WNK1: variants seen among roughly 807,000 people sequenced by gnomAD.
WNK1 encodes the protein serine/threonine-protein kinase WNK1.
In WNK1, 38 loss-of-function variants were observed where a neutral mutation model predicts 222.8. The ratio of observed to expected loss-of-function variants is 0.17; its 90% confidence interval spans 0.13 to 0.22. WNK1 has a LOEUF of 0.22. Ranked by LOEUF, WNK1 falls within the 10% of genes least tolerant of loss-of-function variation. The pLI is 1.00. For synonymous variants in WNK1, 1,090 were observed against 1,092.9 expected (o/e 1.00, Z 0.05); for missense variants, 2,348 against 2,918.4 (o/e 0.80, Z 4.50).
intron 8 of WNK1, chr12:868,998 C>T (rs1173828922): frequency 3.7e-6 from 6 of 1,607,484 alleles, no homozygotes; most frequent in East Asian, 2.2e-5. Context: ...CTGCCTCAGA[C>T]AGTGTTACAA....
At chr12:846,578 A>G (rs1950042245) in intron 4 of WNK1, among the ~76,000 whole-genome samples, 1 of 152,222 alleles carries the variant, frequency 6.6e-6, no homozygotes, top group Non-Finnish European at 1.5e-5. Context: ...AAATTCCTGT[A>G]AACTAATGGT....
At chr12:825,064 A>T (rs1221754499) in intron 2 of WNK1, among the ~76,000 whole-genome samples, 1 of 152,196 alleles carries the variant, frequency 6.6e-6, no homozygotes, top group Non-Finnish European at 1.5e-5. Flanking sequence ...CAGCATCAGG[A>T]TAGAATAAAT....
At chr12:785,553 A>G (rs971183368) in intron 1 of WNK1, among the ~76,000 whole-genome samples, 1 of 151,786 alleles carries the variant, frequency 6.6e-6, no homozygotes, top group Non-Finnish European at 1.5e-5. Context: ...ACCCGCCACC[A>G]CGCCCAGCTA....
chr12:764,718 G>T (rs1020616274), intron 1 of WNK1, among the ~76,000 whole-genome samples: 1 of 140,398 alleles, frequency 7.1e-6, no homozygotes, highest in Non-Finnish European at 1.6e-5. Flanking sequence ...TAAAAAAAAA[G>T]TCAGTAACAA....
chr12:865,729 A>G (rs1951608775), intron 8 of WNK1, among the ~76,000 whole-genome samples: 1 of 152,200 alleles, frequency 6.6e-6, no homozygotes, highest in Non-Finnish European at 1.5e-5. Context: ...AAATTTTATC[A>G]AACATTACCC....
chr12:790,567 T>A (rs1232850510), intron 1 of WNK1, among the ~76,000 whole-genome samples: 1 of 152,216 alleles, frequency 6.6e-6, no homozygotes, highest in Non-Finnish European at 1.5e-5. Flanking sequence ...GAATCTGTCT[T>A]GACCTGTGTA....
intron 1 of WNK1, among the ~76,000 whole-genome samples, chr12:788,440 C>T (rs1483364610): frequency 1.3e-5 from 2 of 152,050 alleles, no homozygotes; most frequent in Non-Finnish European, 2.9e-5. Flanking sequence ...CACTAATGGA[C>T]CATATTTCTA....
At chr12:871,234 C>T in intron 8 of WNK1, 31 bp from the exon 9 acceptor site, 1 of 1,604,708 alleles carries the variant, frequency 6.2e-7, no homozygotes. Context: ...TAGGCCTTCT[C>T]TAATTTGTTG....
At chr12:862,945 TAC>T (rs1179233428) in intron 8 of WNK1, among the ~76,000 whole-genome samples, 1 of 152,214 alleles carries the variant, frequency 6.6e-6, no homozygotes, top group African/African-American at 2.4e-5. Context: ...TGTATACACA[TAC>T]ACACACACAA....
chr12:832,850 T>C (rs911308010), intron 4 of WNK1, among the ~76,000 whole-genome samples: 3 of 152,216 alleles, frequency 2.0e-5, no homozygotes, highest in Admixed American at 6.5e-5. Flanking sequence ...AGAAATTTTT[T>C]TATGCCTTCA....
chr12:797,907 C>T (rs1028360134), intron 1 of WNK1, among the ~76,000 whole-genome samples: 2 of 149,706 alleles, frequency 1.3e-5, no homozygotes, highest in Non-Finnish European at 3.0e-5. Context: ...CGAGATCGCA[C>T]CACTGCACTC....
At chr12:772,490 C>T (rs1942647202) in intron 1 of WNK1, among the ~76,000 whole-genome samples, 1 of 151,838 alleles carries the variant, frequency 6.6e-6, no homozygotes, top group Non-Finnish European at 1.5e-5. Flanking sequence ...TGCCACCATA[C>T]AGCAGCGTAA....
chr12:763,175 G>A (rs989870524), intron 1 of WNK1, among the ~76,000 whole-genome samples: 3 of 147,550 alleles, frequency 2.0e-5, no homozygotes, highest in African/African-American at 4.9e-5. Context: ...TAGACTAAGT[G>A]ACTAAAGGAC....
rs542422172 is a variant in WNK1, at chr12:802,526, T to C, written c.760-11116T>C. On this transcript the variant is annotated intron_variant, in intron 1 of 27. Transcript: ENST00000315939. ...TATAGAAGTTCTATTATGATTGATA[T>C]GGAAATGACTTTGACTTATTGTTGA... Among the ~76,000 whole-genome samples the C allele has an allele frequency of 2.0e-5, 3 of 152,290 alleles. No homozygotes were observed. The South Asian group carries it at 6.2e-4, about 32-fold the overall frequency.
intron 8 of WNK1, among the ~76,000 whole-genome samples, chr12:867,459 TA>T (rs1467306313): frequency 2.0e-5 from 3 of 152,242 alleles, no homozygotes; most frequent in Non-Finnish European, 2.9e-5. Flanking sequence ...TCTTACAGTA[TA>T]GAACTAGTCG....
chr12:778,319 T>G (rs1336674599), intron 1 of WNK1, among the ~76,000 whole-genome samples: 1 of 152,054 alleles, frequency 6.6e-6, no homozygotes, highest in Non-Finnish European at 1.5e-5. Flanking sequence ...TTAATTTTTT[T>G]TTCGTCTTTT....
intron 8 of WNK1, among the ~76,000 whole-genome samples, chr12:870,210 A>G (rs1433292425): frequency 1.3e-5 from 2 of 152,232 alleles, no homozygotes; most frequent in Non-Finnish European, 1.5e-5. Flanking sequence ...GTGCTGTACT[A>G]AGACACAAAA....
chr12:754,273 C>T lies in WNK1; in HGVS notation c.708C>T (p.Tyr236=), dbSNP rs767325933. The T allele has an allele frequency of 6.2e-7, 1 of 1,613,586 alleles. No individual in the cohort carries two copies. Among genetic ancestry groups the T allele is most frequent in the East Asian group, 2.2e-5 (1 of 44,890 alleles). Residue 236 remains tyrosine, a synonymous_variant, in exon 1 of 28, where the codon TAC becomes TAT. Coordinates refer to ENST00000315939, the MANE Select transcript of WNK1 (RefSeq NM_018979.4). ...GCAGAGGCTCCTTTAAGACGGTCTA[C>T]AAAGGTCTGGACACTGAAACCACCG... ...EIGRGSFKTV[Y]KGLDTETTVE...
At chr12:805,571 T>A (rs888803261) in intron 1 of WNK1, among the ~76,000 whole-genome samples, 1 of 152,218 alleles carries the variant, frequency 6.6e-6, no homozygotes, top group Non-Finnish European at 1.5e-5. Flanking sequence ...AAATTGTGGC[T>A]GTCTTCCTTT....
Sources: allele counts gnomAD v4.1 joint callset (sites outside exome capture counted in the v4.1 genomes callset), GRCh38; gene constraint gnomAD v4.1.1; transcripts MANE v1.5; gene names NCBI Gene and HGNC (gene_info 2026-07-23, HGNC 2026-07-21).